CDK12: variants seen among roughly 807,000 people sequenced by gnomAD.
CDK12 encodes the protein cyclin dependent kinase 12, also known as cyclin-dependent kinase 12.
Under a neutral mutation model 133.8 loss-of-function variants are expected in CDK12, and 17 were observed. That is an observed-to-expected ratio of 0.13 (90% CI 0.09 to 0.19). The LOEUF (loss-of-function observed/expected upper bound fraction) is 0.19, where lower values mean the gene tolerates loss of function less well. Ranked by LOEUF, CDK12 falls within the 10% of genes least tolerant of loss-of-function variation. The pLI, the probability that CDK12 is intolerant of heterozygous loss-of-function variation, is 1.00. For synonymous variants in CDK12, 694 were observed against 683.6 expected, an observed-to-expected ratio of 1.02 and a Z score of -0.24; for missense variants, 1,508 against 1,818.7, an observed-to-expected ratio of 0.83 and a Z score of 3.11.
chr17:39,469,333 T>C (rs1567681624), intron 1 of CDK12, among the ~76,000 whole-genome samples: 2 of 152,224 alleles, frequency 1.3e-5, no homozygotes, highest in Non-Finnish European at 2.9e-5. Flanking sequence ...CTATTGGAAA[T>C]CATTTTATAA....
chr17:39,544,311 C>T (rs530061078), upstream of CDK12: 172 of 490,118 alleles, frequency 3.5e-4, 3 homozygotes, highest in African/African-American at 3.2e-3. Flanking sequence ...CACCTCTCAC[C>T]CAGAGCCTGG....
At chr17:39,560,777 G>A (rs925239391) in intron 3 of CDK12, among the ~76,000 whole-genome samples, 15 of 152,222 alleles carry the variant, frequency 9.9e-5, no homozygotes, top group African/African-American at 3.4e-4. Context: ...ACTTTGAGAG[G>A]CCGAGGCAGG....
rs553397525 is a variant in CDK12, at chr17:39,471,323, A to G, written c.1491A>G (p.Ala497=). Residue 497 remains alanine, a synonymous_variant, in exon 2 of 14, where the codon GCA becomes GCG. Transcript: ENST00000447079. ...AGCATCTTGTTAAAGATTTGAAAGC[A>G]CAGGGAACAAGAGACTCTAAACCCA... The part of the protein sequence containing the change: ...SEKHLVKDLK[A]QGTRDSKPIA... The G allele has an allele frequency of 2.5e-4, 407 of 1,614,000 alleles. 6 individuals are homozygous for G. In the South Asian group the frequency reaches 4.1e-3, roughly 16 times the overall value.
At chr17:39,547,338 G>C (rs563094019), upstream of CDK12, among the ~76,000 whole-genome samples, 1 of 152,020 alleles carries the variant, frequency 6.6e-6, no homozygotes, top group Non-Finnish European at 1.5e-5. Flanking sequence ...GTTTCTCCAT[G>C]ATGATGAGGC....
At chr17:39,501,567 C>T (rs1041040592) in intron 6 of CDK12, 128 bp downstream of exon 6, 5 of 609,840 alleles carry the variant, frequency 8.2e-6, no homozygotes, top group Non-Finnish European at 1.1e-5. Context: ...AGTGATATTT[C>T]CTACGTTCAG....
intron 1 of CDK12, among the ~76,000 whole-genome samples, chr17:39,467,472 ACTC>A (rs1318128352): frequency 3.3e-5 from 5 of 152,028 alleles, no homozygotes; most frequent in African/African-American, 1.2e-4. Flanking sequence ...TTTGTTGTCT[ACTC>A]CTCCGCTTTT....
In CDK12 at chr17:39,490,583, C is replaced by G. The variant is rs758397113; in HGVS notation, c.1958C>G (p.Pro653Arg). The G allele has an allele frequency of 1.9e-6, 3 of 1,612,216 alleles. No homozygotes were observed. The highest frequency in any genetic ancestry group is 2.5e-6 in the Non-Finnish European group (3 of 1,179,006). Residue 653 changes from proline (P) to arginine (R), a missense_variant, in exon 3 of 14, where the codon CCT becomes CGT. Pro to Arg is a moderately radical substitution (Grantham distance 103). Around this residue, in one of 9 missense-constraint regions of CDK12, gnomAD observed 347 missense variants for 330.8 expected, o/e 1.05. Coordinates refer to ENST00000447079, the MANE Select transcript of CDK12 (RefSeq NM_016507.4). ...CCAAAAGAAACTCTTCCTTCAAAAC[C>G]TGTGAAGAAAGAGAAGGAACAGAGG... is the stretch of plus-strand genomic sequence containing the variant. The part of the protein sequence containing the change: ...DSPKETLPSK[P>R]VKKEKEQRTR...
chr17:39,482,623 G>T (rs1294861981), intron 2 of CDK12, among the ~76,000 whole-genome samples: 1 of 23,484 alleles, frequency 4.3e-5, no homozygotes. Context: ...TTTTTTTTGA[G>T]GCAGAGTGTC....
At position 39,471,737 on chromosome 17, in the gene CDK12, A is replaced by G. The variant is rs2049813721; in HGVS notation, c.1905A>G (p.Leu635=). The G allele has an allele frequency of 3.1e-6, 5 of 1,613,178 alleles. No individual in the cohort carries two copies. The highest frequency in any genetic ancestry group is 1.1e-5 in the South Asian group (1 of 90,958). The part of the protein sequence containing the change: ...STLPPLPLPP[L]LPGDDDMDSP... ...TGCCTCCTTTGCCCCTCCCACCCTT[A>G]TTACCTGGAGATGATGACATGGATA... The change falls in exon 2 of 14, where the codon TTA becomes TTG. Residue 635 remains leucine, a synonymous_variant. Transcript: ENST00000447079.
At chr17:39,552,033 C>T (rs374948550) in intron 2 of CDK12, among the ~76,000 whole-genome samples, 25 of 152,222 alleles carry the variant, frequency 1.6e-4, no homozygotes, top group African/African-American at 4.8e-4. Flanking sequence ...CAAGAGTTGC[C>T]TTCTCTTCCC....
chr17:39,531,386 A>G lies in CDK12; in HGVS notation c.*70A>G. The G allele has an allele frequency of 7.5e-7, 1 of 1,332,888 alleles. No homozygotes were observed. Among genetic ancestry groups the G allele is most frequent in the Non-Finnish European group, 9.7e-7 (1 of 1,030,484 alleles). The allele number at this position is 1,332,888 out of a possible 1,614,324, so 82.6% of individuals were successfully genotyped here. ...TTCCATCCAGTTCTCTGAATCTTTAATGAAATCATTTGCCAGAGCGAGGTA... is the reference window on the plus strand; with the variant it reads ...TTCCATCCAGTTCTCTGAATCTTTAGTGAAATCATTTGCCAGAGCGAGGTA... On this transcript the variant is annotated 3_prime_UTR_variant, in exon 14 of 14. Coordinates refer to ENST00000447079, the MANE Select transcript of CDK12 (RefSeq NM_016507.4).
Position 39,466,989 on chromosome 17 carries a change from A to G in CDK12, c.1046+3872A>G, listed in dbSNP as rs557773324. 3.3e-5 allele frequency among the ~76,000 whole-genome samples: 5 copies of G among 151,808 alleles called. No individual in the cohort carries two copies. The East Asian group carries it at 9.7e-4, about 29-fold the overall frequency. Reference sequence around the variant, plus strand: ...ATTTTATTTTATTTTATTTTATTTTATTTTTTTAATTTGAGACAGAGTTTC... The same window carrying G: ...ATTTTATTTTATTTTATTTTATTTTGTTTTTTTAATTTGAGACAGAGTTTC... On this transcript the variant is annotated intron_variant, in intron 1 of 13. Coordinates refer to ENST00000447079, the MANE Select transcript of CDK12 (RefSeq NM_016507.4).
rs2146513055 is a variant in CDK12, at chr17:39,517,548, A to G, written c.2955A>G (p.Glu985=). The G allele has an allele frequency of 1.0e-5, 16 of 1,586,622 alleles. No individual in the cohort carries two copies. The highest frequency in any genetic ancestry group is 1.4e-5 in the Non-Finnish European group (16 of 1,155,054). ...AATATCGAAGGCGTCTACGAGAAGA[A>G]TTCTCTTTGTGAGTTTGGGGAAAAT... ...KKQYRRRLRE[E]FSFIPSAALD... The change falls in exon 10 of 14, where the codon GAA becomes GAG. Residue 985 remains glutamate, a synonymous_variant. Coordinates refer to ENST00000447079, the MANE Select transcript of CDK12 (RefSeq NM_016507.4).
At chr17:39,478,734 A>T (rs1318053536) in intron 2 of CDK12, among the ~76,000 whole-genome samples, 1 of 152,118 alleles carries the variant, frequency 6.6e-6, no homozygotes, top group African/African-American at 2.4e-5. Flanking sequence ...CTGAGGTGGG[A>T]TGATTACTGG....
intron 5 of CDK12, among the ~76,000 whole-genome samples, chr17:39,498,212 TTTTTG>T (rs1282392219): frequency 2.0e-5 from 3 of 151,888 alleles, no homozygotes; most frequent in Non-Finnish European, 4.4e-5. Context: ...CAGCCTGGTC[TTTTTG>T]TTTTGTTTTA....
chr17:39,530,533 G>T, intron 13 of CDK12, 71 bp from the exon 14 acceptor site: 1 of 1,509,414 alleles, frequency 6.6e-7, no homozygotes, highest in Non-Finnish European at 8.8e-7. Flanking sequence ...ATGTTGCACA[G>T]TGTGTGTGTT....
intron 1 of CDK12, among the ~76,000 whole-genome samples, 179 bp downstream of exon 1, chr17:39,463,296 A>G (rs2144919389): frequency 6.6e-6 from 1 of 152,332 alleles, no homozygotes; most frequent in South Asian, 2.1e-4. Flanking sequence ...CGAGAAGTGA[A>G]GAGTACATAG....
intron 1 of CDK12, among the ~76,000 whole-genome samples, chr17:39,470,635 T>C (rs1031638045): frequency 1.3e-5 from 2 of 152,176 alleles, no homozygotes; most frequent in Non-Finnish European, 2.9e-5. Context: ...TTAGATTTAC[T>C]TAGTCTACCT....
At chr17:39,518,512 T>A (rs978103284) in intron 10 of CDK12, among the ~76,000 whole-genome samples, 1 of 152,050 alleles carries the variant, frequency 6.6e-6, no homozygotes, top group Non-Finnish European at 1.5e-5. Context: ...TTTGTTTTCT[T>A]CTTACTTTTT....
Sources: gnomAD v4.1 joint callset for allele counts (sites outside exome capture counted in the v4.1 genomes callset) on GRCh38, gnomAD v4.1.1 for gene constraint, gnomAD v4.1.1 regional missense constraint, MANE v1.5 for transcripts, NCBI Gene and HGNC (gene_info 2026-07-23, HGNC 2026-07-21) for gene names.